Variants in PNPLA2 observed in about 807,000 individuals in gnomAD.
The protein encoded by PNPLA2 is patatin-like phospholipase domain-containing protein 2.
Under a neutral mutation model 39.7 loss-of-function variants are expected in PNPLA2, and 28 were observed. That is an observed-to-expected ratio of 0.70 (90% CI 0.52 to 0.97). The LOEUF is 0.97. PNPLA2 is among the 50% of genes least tolerant of loss of function. The pLI is 0.00. For missense variants in PNPLA2, 768 were observed against 698.2 expected, an observed-to-expected ratio of 1.10 and a Z score of -1.13; for synonymous variants, 392 against 321.1, an observed-to-expected ratio of 1.22 and a Z score of -2.36.
Position 823,717 on chromosome 11 carries a change from T to C in PNPLA2, c.781T>C (p.Leu261=), listed in dbSNP as rs758918583. 1.6e-5 allele frequency: 26 copies of C among 1,604,798 alleles called. No individual in the cohort carries two copies. In the Admixed American group the frequency reaches 3.9e-4, roughly 24 times the overall value. ...RNGLLNRPNP[L]LALPPARPHG... ...AGGCCTCCTGAACCGGCCCAACCCC[T>C]TGCTGGCGTTGCCCCCCGCCCGCCC... Residue 261 remains leucine, a synonymous_variant, in exon 7 of 10, where the codon TTG becomes CTG. Coordinates refer to ENST00000336615, the MANE Select transcript of PNPLA2 (RefSeq NM_020376.4).
At position 824,053 on chromosome 11, in the gene PNPLA2, G is replaced by A. The variant is rs766506723; in HGVS notation, c.975G>A (p.Met325Ile). ...PTDLLTTLSN[M>I]LPVRLATAMM... The stretch of plus-strand genomic sequence containing the variant: ...ACCTGCTGACCACCCTCTCCAACAT[G>A]CTGCCTGTGCGTCTGGCCACGGCCA... Residue 325 changes from methionine (M) to isoleucine (I), a missense_variant, in exon 8 of 10, where the codon ATG becomes ATA. Met to Ile is a conservative substitution (Grantham distance 10). Transcript: ENST00000336615. 4 of 1,610,426 alleles carry A rather than the reference G, an allele frequency of 2.5e-6. No individual in the cohort carries two copies. In the African/African-American group the frequency reaches 5.3e-5, roughly 22 times the overall value.
chr11:821,313 G>C, intron 2 of PNPLA2: 1 of 473,656 alleles, frequency 2.1e-6, no homozygotes, highest in Admixed American at 3.4e-5. Context: ...AGTGGGTGAA[G>C]GCTAAGGCCG....
Position 824,726 on chromosome 11 carries a change from GC to G in PNPLA2, c.1380del (p.Met461CysfsTer28). 6.3e-7 allele frequency: 1 copy of G among 1,577,390 alleles called. No homozygotes were observed. Among genetic ancestry groups the G allele is most frequent in the Non-Finnish European group, 8.5e-7 (1 of 1,169,662 alleles). On this transcript the variant is annotated frameshift_variant, in exon 10 of 10. Transcript: ENST00000336615. LOFTEE classifies it low-confidence loss of function (END_TRUNC). ...TNVAFPPEAL[R>X]MRAPADPAPA... is the part of the protein sequence containing the mutation. ...GTGGCCTTCCCGCCCGAAGCTCTGC[GC>G]ATGCGCGCACCCGCCGACCCGGCTC...
At position 824,411 on chromosome 11, in the gene PNPLA2, A is replaced by G. The variant is rs1385840827; in HGVS notation, c.1150A>G (p.Lys384Glu). 11 of 1,554,810 alleles carry G rather than the reference A, an allele frequency of 7.1e-6. No individual in the cohort carries two copies. Among genetic ancestry groups the G allele is most frequent in the Non-Finnish European group, 6.1e-6 (7 of 1,149,626 alleles). The change falls in exon 9 of 10, where the codon AAG becomes GAG. Residue 384 changes from lysine to glutamate, a missense_variant. Transcript: ENST00000336615. ...CQYLVMRAKRKLGRHLPSRLP... is the reference protein window; with the variant it reads ...CQYLVMRAKRELGRHLPSRLP... ...GTACCTGGTGATGCGCGCCAAGAGGAAGCTGGGCAGGCACCTGCCCTCCAG... is the reference window on the plus strand; with the variant it reads ...GTACCTGGTGATGCGCGCCAAGAGGGAGCTGGGCAGGCACCTGCCCTCCAG...
In PNPLA2 at chr11:819,904, G is replaced by A. The variant is rs1845610919; in HGVS notation, c.186G>A (p.Leu62=). ...TATALVTGVC[L]GEAGAKFIEV... ...CGGCGCTGGTCACCGGGGTCTGCCT[G>A]GGTGAGCGGGGCCGGGGGCGGCAGG... is the stretch of plus-strand genomic sequence containing the variant. The change falls in exon 2 of 10, where the codon CTG becomes CTA. Residue 62 remains leucine (L), a splice_region_variant and synonymous_variant. Coordinates refer to ENST00000336615, the MANE Select transcript of PNPLA2 (RefSeq NM_020376.4). The A allele has an allele frequency of 7.3e-7, 1 of 1,373,754 alleles. No individual in the cohort carries two copies. The highest frequency in any genetic ancestry group is 9.4e-7 in the Non-Finnish European group (1 of 1,066,486). 85.1% of individuals were successfully genotyped at this position (1,373,754 alleles called of 1,614,324 possible). A position where few individuals can be genotyped will look rare whatever the true frequency, so the allele number is the denominator to read the frequency against.
chr11:819,414 G>A (rs1212891037), intron 1 of PNPLA2, 160 bp from the exon 2 acceptor site: 2 of 974,604 alleles, frequency 2.1e-6, no homozygotes, highest in Non-Finnish European at 1.2e-6. Flanking sequence ...CCGGGCGGCA[G>A]CGGAGGGCGG....
At chr11:821,122 T>TG (rs1448199100) in intron 2 of PNPLA2, 1 of 207,230 alleles carries the variant, frequency 4.8e-6, no homozygotes, top group African/African-American at 2.3e-5. Flanking sequence ...CCAGCACTCC[T>TG]GCGCCCCAAG....
At chr11:823,384 G>C in intron 5 of PNPLA2, 143 bp from the exon 6 acceptor site, 1 of 782,176 alleles carries the variant, frequency 1.3e-6, no homozygotes, top group East Asian at 2.7e-5. Flanking sequence ...GTACAGCTTT[G>C]ATCTTGTTCT....
In PNPLA2 at chr11:825,041, C is replaced by G. The variant is rs1039271019; in HGVS notation, c.*179C>G. 7 of 653,848 alleles carry G rather than the reference C, an allele frequency of 1.1e-5. No homozygotes were observed. The African/African-American group carries it at 1.3e-4, about 12-fold the overall frequency. 40.5% of individuals were successfully genotyped at this position (653,848 alleles called of 1,614,324 possible). On this transcript the variant is annotated 3_prime_UTR_variant, in exon 10 of 10. Transcript: ENST00000336615. ...ACCCCTCCCCTGGGCCGCTGAGGCCCCGCGCACCTGTGCCTTAATCTTCCC... is the reference window on the plus strand; with the variant it reads ...ACCCCTCCCCTGGGCCGCTGAGGCCGCGCGCACCTGTGCCTTAATCTTCCC...
At chr11:821,908 G>GA in intron 3 of PNPLA2, 48 bp downstream of exon 3, 1 of 1,609,608 alleles carries the variant, frequency 6.2e-7, no homozygotes, top group South Asian at 1.1e-5. Flanking sequence ...GGGGCAGTGG[G>GA]AACCTCAAGG....
At position 825,457 on chromosome 11, in the gene PNPLA2, C is replaced by G. The variant is rs1305293273; in HGVS notation, c.*595C>G. ...CCCCCTGTCTAGGATGCATCCACAC[C>G]CCCCCCAATTTTGCCCAGCAGCCTC... On this transcript the variant is annotated 3_prime_UTR_variant, in exon 10 of 10. Transcript: ENST00000336615. 1.3e-5 allele frequency: 2 copies of G among 151,154 alleles called. No individual in the cohort carries two copies. The highest frequency in any genetic ancestry group is 2.1e-4 in the South Asian group (1 of 4,794). 9.4% of individuals were successfully genotyped at this position (151,154 alleles called of 1,614,324 possible). A position where few individuals can be genotyped will look rare whatever the true frequency, so the allele number is the denominator to read the frequency against.
chr11:823,954 GC>G, intron 7 of PNPLA2, 43 bp from the exon 8 acceptor site: 1 of 1,557,412 alleles, frequency 6.4e-7, no homozygotes. Context: ...CGGGTCCTGG[GC>G]CCCGCTGCCT....
In PNPLA2 at chr11:819,419, G is replaced by A. The variant is rs1845592760; in HGVS notation, c.-145-155G>A. ...GAAGCTTTCTCCGGGCGGCAGCGGA[G>A]GGCGGGGCTCCAGCGCGGGGGGCCG... is the stretch of plus-strand genomic sequence containing the variant. On this transcript the variant is annotated intron_variant, in intron 1 of 9. Coordinates refer to ENST00000336615, the MANE Select transcript of PNPLA2 (RefSeq NM_020376.4). 12 of 974,398 alleles carry A rather than the reference G, an allele frequency of 1.2e-5. No individual in the cohort carries two copies. The African/African-American group carries it at 1.6e-4, about 13-fold the overall frequency. 60.4% of individuals were successfully genotyped at this position (974,398 alleles called of 1,614,324 possible).
In PNPLA2 at chr11:825,063, T is replaced by A. The variant is rs1845845335; in HGVS notation, c.*201T>A. ...GCCCCGCGCACCTGTGCCTTAATCT[T>A]CCCTCCCCTGTGCTGCCCGAGCACC... On this transcript the variant is annotated 3_prime_UTR_variant, in exon 10 of 10. Transcript: ENST00000336615. The A allele has an allele frequency of 8.1e-6, 5 of 618,380 alleles. No homozygotes were observed. Among genetic ancestry groups the A allele is most frequent in the Non-Finnish European group, 1.5e-5 (5 of 344,702 alleles). The allele number at this position is 618,380 out of a possible 1,614,324, so 38.3% of individuals were successfully genotyped here. A position where few individuals can be genotyped will look rare whatever the true frequency, so the allele number is the denominator to read the frequency against.
chr11:820,616 C>A (rs990112846), intron 2 of PNPLA2, among the ~76,000 whole-genome samples: 6 of 152,156 alleles, frequency 3.9e-5, no homozygotes, highest in African/African-American at 1.4e-4. Flanking sequence ...GTTTACAGCA[C>A]ACGACTTCAG....
Position 819,816 on chromosome 11 carries a change from C to A in PNPLA2, c.98C>A (p.Ala33Glu). 6.7e-7 allele frequency: 1 copy of A among 1,498,592 alleles called. No homozygotes were observed. Among genetic ancestry groups the A allele is most frequent in the Non-Finnish European group, 8.9e-7 (1 of 1,124,918 alleles). 92.8% of individuals were successfully genotyped at this position (1,498,592 alleles called of 1,614,324 possible). ...VGVASCLREH[A>E]PFLVANATHI... ...GTGGCCTCCTGCCTCCGCGAGCACG[C>A]GCCCTTCCTGGTGGCCAACGCCACG... Residue 33 changes from alanine (A) to glutamate (E), a missense_variant, in exon 2 of 10, where the codon GCG becomes GAG. By Grantham distance (107) the Ala-to-Glu change is moderately radical. Coordinates refer to ENST00000336615, the MANE Select transcript of PNPLA2 (RefSeq NM_020376.4).
Position 823,500 on chromosome 11 carries a change from C to T in PNPLA2, c.697-27C>T, listed in dbSNP as rs754460348. 3.6e-5 allele frequency: 57 copies of T among 1,591,874 alleles called. No individual in the cohort carries two copies. In the Admixed American group the frequency reaches 3.8e-4, roughly 11 times the overall value. The stretch of plus-strand genomic sequence containing the variant: ...CAGAACGGGCATCCCTGGCTCCCTC[C>T]GCTCCATTTAACCCTCCTCACTGCA... On this transcript the variant is annotated intron_variant, in intron 5 of 9. Transcript: ENST00000336615.
chr11:823,594 G>C lies in PNPLA2; in HGVS notation c.757+7G>C. On this transcript the variant is annotated splice_region_variant and intron_variant, in intron 6 of 9. Transcript: ENST00000336615. ...CGCTTTCTGCAGCGGAACGGTGCGC[G>C]GACCCGGGCGGGAGAGGGCGGGGTG... The C allele has an allele frequency of 6.2e-7, 1 of 1,609,126 alleles. No individual in the cohort carries two copies. Among genetic ancestry groups the C allele is most frequent in the Non-Finnish European group, 8.5e-7 (1 of 1,178,182 alleles).
chr11:821,793 T>A lies in PNPLA2; in HGVS notation c.353T>A (p.Leu118Gln). The A allele has an allele frequency of 6.2e-7, 1 of 1,613,990 alleles. No individual in the cohort carries two copies. Among genetic ancestry groups the A allele is most frequent in the Non-Finnish European group, 8.5e-7 (1 of 1,180,030 alleles). The change falls in exon 3 of 10, where the codon CTG (leucine) becomes CAG (glutamine). Residue 118 changes from leucine (L) to glutamine (Q), a missense_variant. Transcript: ENST00000336615. ...EHASGRLGIS[L>Q]TRVSDGENVI... is the part of the protein sequence containing the mutation. ...GCCAGTGGGCGCCTGGGCATCTCCC[T>A]GACCCGCGTGTCAGACGGCGAGAAT...
Sources: allele counts gnomAD v4.1 joint callset (sites outside exome capture counted in the v4.1 genomes callset), GRCh38; gene constraint gnomAD v4.1.1; transcripts MANE v1.5; gene names NCBI Gene and HGNC (gene_info 2026-07-23, HGNC 2026-07-21).